The following CYREN variants were observed in gnomAD, a reference collection of about 807,000 sequenced individuals.
CYREN encodes the protein cell cycle regulator of non-homologous end joining.
In CYREN, 7 loss-of-function variants were observed where a neutral mutation model predicts 9.7. That is an observed-to-expected ratio of 0.72 (90% confidence interval 0.41 to 1.36). The LOEUF (loss-of-function observed/expected upper bound fraction) is 1.36. CYREN is among the 40% of genes most tolerant of loss of function. CYREN has a pLI of 0.01. For missense variants in CYREN, 215 were observed against 198.1 expected (o/e 1.09, Z -0.51); for synonymous variants, 76 against 77.9 (o/e 0.98, Z 0.13).
downstream of CYREN, chr7:135,165,131 CCT>C: frequency 8.5e-7 from 1 of 1,178,718 alleles, no homozygotes; most frequent in Non-Finnish European, 1.2e-6. Context: ...AGGTGGGGCC[CCT>C]GTGTCAAAGA....
intron 2 of CYREN, among the ~76,000 whole-genome samples, chr7:135,140,476 G>A (rs190686432): frequency 6.6e-6 from 1 of 152,112 alleles, no homozygotes; most frequent in Non-Finnish European, 1.5e-5. Flanking sequence ...AGACTATGGG[G>A]TTTTCTAGGT....
intron 2 of CYREN, among the ~76,000 whole-genome samples, chr7:135,144,760 TTAA>T (rs57009556): frequency 6.8e-6 from 1 of 146,804 alleles, no homozygotes; most frequent in Non-Finnish European, 1.5e-5. Context: ...TACCAAAAAA[TTAA>T]TAATAATAAT....
At chr7:135,142,003 G>T (rs956380164) in intron 2 of CYREN, among the ~76,000 whole-genome samples, 1 of 152,126 alleles carries the variant, frequency 6.6e-6, no homozygotes, top group Non-Finnish European at 1.5e-5. Flanking sequence ...ATATGCAAAT[G>T]AGAAGAATGT....
rs535861344 is a variant in CYREN at position 135,126,535 on chromosome 7, C to T, written n.357-31953G>A. On this transcript the variant is annotated intron_variant and non_coding_transcript_variant, in intron 2 of 2. Coordinates refer to the CYREN transcript ENST00000459937. ...ACATTCTTCACAGATTTAGAAAAAA[C>T]TACTTTAAATTTCATATGGAATCAA... is the stretch of plus-strand genomic sequence containing the variant. Among the ~76,000 whole-genome samples, 21 of 152,308 alleles carry T rather than the reference C, an allele frequency of 1.4e-4. No homozygotes were observed. In the East Asian group the frequency reaches 3.9e-3, roughly 28 times the overall value.
At chr7:135,164,851 A>G (rs760609346), downstream of CYREN, 5 of 1,613,674 alleles carry the variant, frequency 3.1e-6, no homozygotes, top group East Asian at 4.5e-5. Context: ...TTCCTCTCCT[A>G]TGTGTGGAAG....
chr7:135,147,817 A>C, intron 2 of CYREN: 1 of 456,206 alleles, frequency 2.2e-6, no homozygotes, highest in Non-Finnish European at 4.4e-6. Context: ...TTGCAGTTTA[A>C]ATCACTGGGA....
downstream of CYREN, among the ~76,000 whole-genome samples, chr7:135,160,810 T>A (rs1829916143): frequency 2.0e-5 from 3 of 151,744 alleles, no homozygotes. Flanking sequence ...CTCAGAGACA[T>A]GACACTAGAG....
chr7:135,159,946 T>C (rs557633461), intron 2 of CYREN, among the ~76,000 whole-genome samples: 1 of 152,322 alleles, frequency 6.6e-6, no homozygotes, highest in African/African-American at 2.4e-5. Flanking sequence ...GAAACATAAG[T>C]TGATTCACAA....
At chr7:135,170,075 A>C (rs1355705395) in intron 1 of CYREN, among the ~76,000 whole-genome samples, 2 of 152,260 alleles carry the variant, frequency 1.3e-5, no homozygotes, top group Non-Finnish European at 2.9e-5. Context: ...GTGCCTATTA[A>C]GTACATTTCG....
chr7:135,136,921 C>A (rs1157368269), intron 2 of CYREN, among the ~76,000 whole-genome samples: 3 of 152,028 alleles, frequency 2.0e-5, no homozygotes, highest in African/African-American at 7.2e-5. Context: ...ATATAAGATG[C>A]TTTACCCAAA....
At chr7:135,110,999 C>T (rs1825556285) in intron 2 of CYREN, among the ~76,000 whole-genome samples, 1 of 152,130 alleles carries the variant, frequency 6.6e-6, no homozygotes, top group Non-Finnish European at 1.5e-5. Context: ...TGATCAGCTA[C>T]CTCTTCCATT....
chr7:135,122,269 A>C (rs548738167), intron 2 of CYREN, among the ~76,000 whole-genome samples: 1 of 152,300 alleles, frequency 6.6e-6, no homozygotes, highest in Admixed American at 6.5e-5. Flanking sequence ...ACTGTGGCTG[A>C]CTGTGGCCAG....
Position 135,115,454 on chromosome 7 carries a change from A to G in CYREN, n.357-20872T>C, listed in dbSNP as rs1294415538. Reference sequence around the variant, plus strand: ...AAGCAAGAAGACTGGCATAAATTGGACAGATGATGAAAAAAGAAGCTACAA... The same window carrying G: ...AAGCAAGAAGACTGGCATAAATTGGGCAGATGATGAAAAAAGAAGCTACAA... On this transcript the variant is annotated intron_variant and non_coding_transcript_variant, in intron 2 of 2. Coordinates refer to the CYREN transcript ENST00000459937. The G allele has an allele frequency of 2.3e-5, 35 of 1,551,270 alleles. No individual in the cohort carries two copies. In the Admixed American group the frequency reaches 6.5e-4, roughly 29 times the overall value.
intron 2 of CYREN, among the ~76,000 whole-genome samples, chr7:135,131,083 G>A (rs1828693790): frequency 6.6e-6 from 1 of 152,070 alleles, no homozygotes; most frequent in African/African-American, 2.4e-5. Context: ...CAAAGAGGAT[G>A]CTTAATCTTA....
At chr7:135,111,375 C>A (rs1057148586) in intron 2 of CYREN, among the ~76,000 whole-genome samples, 1 of 152,170 alleles carries the variant, frequency 6.6e-6, no homozygotes, top group East Asian at 1.9e-4. Context: ...CTACTGTTGC[C>A]ATACCATGAA....
intron 2 of CYREN, among the ~76,000 whole-genome samples, chr7:135,095,161 A>C (rs571223062): frequency 2.0e-5 from 3 of 152,154 alleles, no homozygotes; most frequent in Non-Finnish European, 4.4e-5. Context: ...AGCCTCCTCT[A>C]GTCTTCCTGT....
chr7:135,110,883 A>G (rs1215577890), intron 2 of CYREN, among the ~76,000 whole-genome samples: 1 of 152,134 alleles, frequency 6.6e-6, no homozygotes, highest in Non-Finnish European at 1.5e-5. Flanking sequence ...GAATCTAACT[A>G]TCCATCTCTG....
intron 2 of CYREN, chr7:135,134,709 TA>T: frequency 1.2e-6 from 1 of 855,014 alleles, no homozygotes; most frequent in Non-Finnish European, 1.7e-6. Context: ...TAAATGATGG[TA>T]AAATTCTTAA....
At chr7:135,114,843 CAG>C (rs990325559) in intron 2 of CYREN, among the ~76,000 whole-genome samples, 1 of 152,174 alleles carries the variant, frequency 6.6e-6, no homozygotes, top group Non-Finnish European at 1.5e-5. Flanking sequence ...CAATGCCTTC[CAG>C]TGATTTTCCA....
Sources: allele counts gnomAD v4.1 joint callset (sites outside exome capture counted in the v4.1 genomes callset), GRCh38; gene constraint gnomAD v4.1.1; transcripts MANE v1.5; gene names NCBI Gene and HGNC (gene_info 2026-07-23, HGNC 2026-07-21).